The following PAGE2B variants were observed in gnomAD, a reference collection of about 807,000 sequenced individuals.
The protein encoded by PAGE2B is PAGE family member 2B.
Under a neutral mutation model 7.6 loss-of-function variants are expected in PAGE2B, and 5 were observed. That is an observed-to-expected ratio of 0.66 (90% CI 0.34 to 1.38). The LOEUF (loss-of-function observed/expected upper bound fraction) is 1.38. PAGE2B is among the 40% of genes most tolerant of loss of function. The pLI is 0.04. For synonymous variants in PAGE2B, 29 were observed against 26.7 expected (o/e 1.09, Z -0.27); for missense variants, 70 against 78.4 (o/e 0.89, Z 0.41).
the PAGE2B span, among the ~76,000 whole-genome samples, chrX:55,059,417 A>G: frequency 8.9e-6 from 1 of 111,856 alleles, no homozygotes; most frequent in Non-Finnish European, 1.9e-5. Flanking sequence ...ATATCCAATT[A>G]CAGTCATATT....
the PAGE2B span, among the ~76,000 whole-genome samples, chrX:55,039,929 G>A: frequency 9.0e-6 from 1 of 111,178 alleles, no homozygotes; most frequent in Admixed American, 9.6e-5. Flanking sequence ...AGGAATTTGT[G>A]TTTTTGTTTA....
chrX:55,076,352 G>GTATATGTATATATGTATA (rs1557253973), intron 2 of PAGE2B, among the ~76,000 whole-genome samples: 1 of 102,341 alleles, frequency 9.8e-6, no homozygotes, highest in African/African-American at 4.1e-5. Context: ...GTGTGTGTGT[G>GTATATGTATATATGTATA]TATATGTATA....
At chrX:55,032,256 T>C in the PAGE2B span, among the ~76,000 whole-genome samples, 2 of 112,157 alleles carry the variant, frequency 1.8e-5, no homozygotes, top group Admixed American at 9.4e-5. Context: ...CAGTGGTGTA[T>C]AAGAGTAAAT....
At chrX:55,076,233 G>C in intron 2 of PAGE2B, 108 bp downstream of exon 2, 1 of 911,831 alleles carries the variant, frequency 1.1e-6, no homozygotes, top group Non-Finnish European at 1.5e-6. Flanking sequence ...GATAAAAAAT[G>C]ATGATGGCAT....
chrX:55,037,100 C>A, the PAGE2B span, among the ~76,000 whole-genome samples: 2 of 111,667 alleles, frequency 1.8e-5, no homozygotes, highest in African/African-American at 3.3e-5. Context: ...AAACTACCAT[C>A]AGGGCGAACA....
At chrX:55,043,851 A>T in the PAGE2B span, among the ~76,000 whole-genome samples, 1 of 109,368 alleles carries the variant, frequency 9.1e-6, no homozygotes, top group African/African-American at 3.3e-5. Flanking sequence ...CTGTAATCCC[A>T]GCTACTTGGG....
At chrX:55,041,360 C>T in the PAGE2B span, among the ~76,000 whole-genome samples, 2 of 111,146 alleles carry the variant, frequency 1.8e-5, no homozygotes, top group East Asian at 2.8e-4. Context: ...GGATTACAGG[C>T]GTGAGCCACC....
chrX:55,068,476 T>C, the PAGE2B span, among the ~76,000 whole-genome samples: 1 of 111,942 alleles, frequency 8.9e-6, no homozygotes, highest in African/African-American at 3.2e-5. Flanking sequence ...TAGCATGATG[T>C]CTCCAGCTTT....
At chrX:55,063,302 T>G in the PAGE2B span, among the ~76,000 whole-genome samples, 2 of 111,504 alleles carry the variant, frequency 1.8e-5, no homozygotes, top group Non-Finnish European at 3.8e-5. Context: ...TTAAGCAAAT[T>G]CCTAGTATTG....
the PAGE2B span, among the ~76,000 whole-genome samples, chrX:55,035,228 C>T: frequency 1.8e-5 from 2 of 111,889 alleles, no homozygotes; most frequent in African/African-American, 6.5e-5. Flanking sequence ...TATCTTAATA[C>T]AGCTAGTAAC....
At chrX:55,035,567 C>T in the PAGE2B span, among the ~76,000 whole-genome samples, 9 of 111,447 alleles carry the variant, frequency 8.1e-5, no homozygotes, top group Non-Finnish European at 9.4e-5. Context: ...TGCTCCGTCA[C>T]TTTATGGAAG....
chrX:55,070,681 G>C (rs1256413376), upstream of PAGE2B, among the ~76,000 whole-genome samples: 2 of 111,380 alleles, frequency 1.8e-5, no homozygotes, highest in Non-Finnish European at 3.8e-5. Context: ...TCTCTTTGTA[G>C]GTCTCTAAGA....
At chrX:55,052,593 T>C in the PAGE2B span, among the ~76,000 whole-genome samples, 2 of 112,853 alleles carry the variant, frequency 1.8e-5, no homozygotes, top group Middle Eastern at 4.6e-3. Context: ...TCCTTGGGCA[T>C]AGGACCCTCC....
the PAGE2B span, among the ~76,000 whole-genome samples, chrX:55,058,953 G>A: frequency 9.1e-6 from 1 of 110,288 alleles, no homozygotes; most frequent in African/African-American, 3.3e-5. Flanking sequence ...TAAATTAACT[G>A]CCCTCCACCC....
the PAGE2B span, among the ~76,000 whole-genome samples, chrX:55,054,669 T>C: frequency 8.9e-6 from 1 of 112,389 alleles, no homozygotes; most frequent in African/African-American, 3.2e-5. Context: ...CGAATTATAA[T>C]TTCATCTTCA....
At chrX:55,038,589 T>A in the PAGE2B span, among the ~76,000 whole-genome samples, 19 of 111,802 alleles carry the variant, frequency 1.7e-4, no homozygotes, top group Non-Finnish European at 3.0e-4. Flanking sequence ...CATGAGGGTT[T>A]AGCTGTCTCT....
At chrX:55,068,820 C>A in the PAGE2B span, among the ~76,000 whole-genome samples, 1 of 111,380 alleles carries the variant, frequency 9.0e-6, no homozygotes, top group African/African-American at 3.3e-5. Context: ...GGAATTCACT[C>A]ATGATTTGGC....
At chrX:55,045,549 A>G in the PAGE2B span, among the ~76,000 whole-genome samples, 1 of 111,476 alleles carries the variant, frequency 9.0e-6, no homozygotes, top group Non-Finnish European at 1.9e-5. Context: ...ATATGTGGTA[A>G]TTGGCTTTGG....
the PAGE2B span, chrX:55,055,621 A>AT: frequency 8.6e-3 from 1,033 of 120,403 alleles, 12 homozygotes; most frequent in African/African-American, 0.032. Flanking sequence ...GTATGACTTT[A>AT]TTTTTTCTTT....
Sources: allele counts gnomAD v4.1 joint callset (sites outside exome capture counted in the v4.1 genomes callset), GRCh38; gene constraint gnomAD v4.1.1; transcripts MANE v1.5; gene names NCBI Gene and HGNC (gene_info 2026-07-23, HGNC 2026-07-21).